The following FER1L5 variants were observed in gnomAD, a reference collection of about 807,000 sequenced individuals.
FER1L5 encodes the protein fer-1 like family member 5.
A neutral mutation model predicts 279.9 loss-of-function variants in FER1L5; 187 were observed. That is an observed-to-expected ratio of 0.67 (90% CI 0.59 to 0.75). The LOEUF (loss-of-function observed/expected upper bound fraction) is 0.75. Ranked by LOEUF, FER1L5 falls within the 30% of genes least tolerant of loss-of-function variation. The pLI is 0.00. For synonymous variants in FER1L5, 921 were observed against 989.7 expected (o/e 0.93, Z 1.30); for missense variants, 2,091 against 2,594.4 (o/e 0.81, Z 4.21).
intron 26 of FER1L5, among the ~76,000 whole-genome samples, chr2:96,690,203 C>T (rs145297618): frequency 1.3e-5 from 2 of 152,286 alleles, no homozygotes; most frequent in Non-Finnish European, 2.9e-5. Context: ...TAGCCCCAGG[C>T]GGCTGGTGGC....
chr2:96,652,734 T>G (rs1255428351), intron 7 of FER1L5: 1 of 152,728 alleles, frequency 6.5e-6, no homozygotes, highest in Non-Finnish European at 1.5e-5. Flanking sequence ...ATGGAGGACT[T>G]AAGCAGAGGA....
Position 96,704,551 on chromosome 2 carries a change from C to T in FER1L5, c.6033C>T (p.Asn2011=). The change falls in exon 53 of 53, where the codon AAC becomes AAT. Residue 2011 remains asparagine, a synonymous_variant. Coordinates refer to ENST00000624922, the MANE Select transcript of FER1L5 (RefSeq NM_001293083.2). ...IKIFNIINSL[N]TSNASSSILP... ...TATTCAATATCATCAATTCACTAAA[C>T]ACCAGCAACGCCAGCTCTTCCATCC... The T allele has an allele frequency of 1.2e-6, 2 of 1,613,968 alleles. No homozygotes were observed. The highest frequency in any genetic ancestry group is 1.7e-6 in the Non-Finnish European group (2 of 1,179,888).
At chr2:96,669,710 C>T (rs886080290) in intron 17 of FER1L5, among the ~76,000 whole-genome samples, 3 of 152,184 alleles carry the variant, frequency 2.0e-5, no homozygotes, top group Non-Finnish European at 4.4e-5. Flanking sequence ...CGGCTGGGAA[C>T]CTCACCACAC....
chr2:96,643,078 A>G (rs537121940), intron 1 of FER1L5, among the ~76,000 whole-genome samples, 157 bp downstream of exon 1: 1 of 152,346 alleles, frequency 6.6e-6, no homozygotes, highest in South Asian at 2.1e-4. Flanking sequence ...ACTTATTGCT[A>G]TCATTTGATT....
At chr2:96,667,836 G>A (rs760811083) in intron 14 of FER1L5, among the ~76,000 whole-genome samples, 2 of 152,102 alleles carry the variant, frequency 1.3e-5, no homozygotes, top group Non-Finnish European at 2.9e-5. Context: ...GGTGTCAGAG[G>A]GGCCTGAAGC....
At chr2:96,659,497 C>CT (rs1240404444) in intron 9 of FER1L5, among the ~76,000 whole-genome samples, 1 of 44,406 alleles carries the variant, frequency 2.3e-5, no homozygotes, top group Non-Finnish European at 3.5e-5. Context: ...TTCTTTCTTT[C>CT]TTTCTTTCTT....
intron 2 of FER1L5, 126 bp downstream of exon 2, chr2:96,646,579 G>T: frequency 1.0e-6 from 1 of 991,190 alleles, no homozygotes; most frequent in Non-Finnish European, 1.5e-6. Flanking sequence ...TTTCCTCAAG[G>T]CTGGGCATCT....
intron 20 of FER1L5, among the ~76,000 whole-genome samples, chr2:96,684,948 T>C (rs1170564620): frequency 6.6e-6 from 1 of 151,884 alleles, no homozygotes; most frequent in African/African-American, 2.4e-5. Context: ...GACATGAAGA[T>C]AAGACCATAG....
intron 4 of FER1L5, among the ~76,000 whole-genome samples, chr2:96,649,362 T>C (rs957442199): frequency 2.6e-5 from 4 of 152,148 alleles, no homozygotes; most frequent in Non-Finnish European, 5.9e-5. Context: ...CCTGCATCCT[T>C]TTCTGCCACC....
At chr2:96,688,443 A>T (rs991813588) in intron 24 of FER1L5, among the ~76,000 whole-genome samples, 9 of 152,166 alleles carry the variant, frequency 5.9e-5, no homozygotes, top group Admixed American at 5.9e-4. Context: ...GCATCTGCCC[A>T]CAGAACCATC....
At position 96,670,274 on chromosome 2, in the gene FER1L5, G is replaced by C. The variant is rs1232717374; in HGVS notation, c.1491+27G>C. 4 of 1,549,624 alleles carry C rather than the reference G, an allele frequency of 2.6e-6. No homozygotes were observed. The Admixed American group carries it at 7.9e-5, about 30-fold the overall frequency. On this transcript the variant is annotated intron_variant, in intron 18 of 52. Coordinates refer to ENST00000624922, the MANE Select transcript of FER1L5 (RefSeq NM_001293083.2). ...TAACTGCGGGAAACAGGTAACCCAG[G>C]GAAAAACAAGAGCCCTGTCTGCCCC...
chr2:96,700,159 A>G lies in FER1L5; in HGVS notation c.4930+79A>G. On this transcript the variant is annotated intron_variant, in intron 44 of 52. Coordinates refer to ENST00000624922, the MANE Select transcript of FER1L5 (RefSeq NM_001293083.2). ...TGAGGCTCCAGAATGGAAGAGCTGC[A>G]GACTTGGGGGAGAAAGGGGAGGACA... is the stretch of plus-strand genomic sequence containing the variant. The G allele has an allele frequency of 3.8e-6, 6 of 1,585,450 alleles. No homozygotes were observed. In the Middle Eastern group the frequency reaches 5.1e-4, roughly 134 times the overall value.
At position 96,689,149 on chromosome 2, in the gene FER1L5, A is replaced by G. The variant is rs1468403155; in HGVS notation, c.2362-64A>G. The G allele has an allele frequency of 4.7e-6, 7 of 1,491,404 alleles. No individual in the cohort carries two copies. The African/African-American group carries it at 8.5e-5, about 18-fold the overall frequency. 92.4% of individuals were successfully genotyped at this position (1,491,404 alleles called of 1,614,324 possible). A position where few individuals can be genotyped will look rare whatever the true frequency, so the allele number is the denominator to read the frequency against. On this transcript the variant is annotated intron_variant, in intron 24 of 52. Coordinates refer to ENST00000624922, the MANE Select transcript of FER1L5 (RefSeq NM_001293083.2). This position sits in a 1 kb window ranked among gnomAD's most constrained non-coding sequence, Gnocchi z 4.6. ...AGCCCAGAGTCAGGGGGCCCAGGGG[A>G]GGCCCATGTCCCCGCACTTTGTGCT...
chr2:96,700,411 G>A lies in FER1L5; in HGVS notation c.5010G>A (p.Leu1670=). The change falls in exon 45 of 53, where the codon CTG becomes CTA. Residue 1670 remains leucine, a synonymous_variant. Coordinates refer to ENST00000624922, the MANE Select transcript of FER1L5 (RefSeq NM_001293083.2). ...LALYLLHTQG[L]VPEHVETRTL... is the part of the protein sequence containing the mutation. Reference sequence around the variant, plus strand: ...TGTACCTCCTGCACACCCAGGGGCTGGTACCTGAGCACGTGGAGACCCGCA... The same window carrying A: ...TGTACCTCCTGCACACCCAGGGGCTAGTACCTGAGCACGTGGAGACCCGCA... 8 of 1,613,816 alleles carry A rather than the reference G, an allele frequency of 5.0e-6. No individual in the cohort carries two copies. Among genetic ancestry groups the A allele is most frequent in the Non-Finnish European group, 6.8e-6 (8 of 1,179,878 alleles).
chr2:96,649,710 C>G (rs1558837867), intron 5 of FER1L5, 33 bp downstream of exon 5: 1 of 1,546,782 alleles, frequency 6.5e-7, no homozygotes, highest in East Asian at 2.4e-5. Context: ...CCCTTAAGGG[C>G]CTACCCTGCC....
chr2:96,675,793 G>A (rs910543403), intron 19 of FER1L5, among the ~76,000 whole-genome samples: 1 of 151,918 alleles, frequency 6.6e-6, no homozygotes, highest in African/African-American at 2.4e-5. Flanking sequence ...ACTACGCCCA[G>A]CTAATTTTTC....
intron 14 of FER1L5, 86 bp from the exon 15 acceptor site, chr2:96,668,665 G>A (rs915611949): frequency 1.7e-5 from 25 of 1,485,632 alleles, no homozygotes; most frequent in East Asian, 1.5e-4. Flanking sequence ...TCCCAGACCC[G>A]CGACTCCCTA....
rs966091353 is a variant in FER1L5 at position 96,643,000 on chromosome 2, G to A, written c.85+79G>A. On this transcript the variant is annotated intron_variant, in intron 1 of 52. Transcript: ENST00000624922. ...GATTCAGTGAAAAAAGAGGTGTATG[G>A]CACCCCACTACATAAAAGATGCCCT... 6.4e-6 allele frequency: 8 copies of A among 1,242,614 alleles called. No individual in the cohort carries two copies. In the South Asian group the frequency reaches 1.0e-4, roughly 16 times the overall value. 77.0% of individuals were successfully genotyped at this position (1,242,614 alleles called of 1,614,324 possible). A position where few individuals can be genotyped will look rare whatever the true frequency, so the allele number is the denominator to read the frequency against.
At chr2:96,646,172 G>T (rs1022314865) in intron 1 of FER1L5, among the ~76,000 whole-genome samples, 1 of 151,942 alleles carries the variant, frequency 6.6e-6, no homozygotes, top group African/African-American at 2.4e-5. Context: ...CTAATTTTTT[G>T]TATTTTTAGT....
Sources: gnomAD v4.1 joint callset for allele counts (sites outside exome capture counted in the v4.1 genomes callset) on GRCh38, gnomAD v4.1.1 for gene constraint, Gnocchi (gnomAD v3.1) non-coding constraint, MANE v1.5 for transcripts, NCBI Gene and HGNC (gene_info 2026-07-23, HGNC 2026-07-21) for gene names.